The following CHD2 variants were observed in gnomAD, a reference collection of about 807,000 sequenced individuals.
CHD2 encodes ATP-dependent chromatin remodeler CHD2.
In CHD2, 28 loss-of-function variants were observed where a neutral mutation model predicts 243.9. The ratio of observed to expected loss-of-function variants is 0.11; its 90% CI spans 0.09 to 0.16. CHD2 has a LOEUF of 0.16. Among genes scored for constraint, CHD2 ranks in the 10% least tolerant of loss-of-function variants. The pLI is 1.00. For synonymous variants in CHD2, 775 were observed against 779.0 expected (o/e 0.99, Z 0.09); for missense variants, 1,386 against 2,209.8 (o/e 0.63, Z 7.47).
chr15:92,904,573 G>A (rs929874678), intron 2 of CHD2: 2 of 1,023,632 alleles, frequency 2.0e-6, no homozygotes, highest in African/African-American at 1.7e-5. Context: ...AGTCTTGTCC[G>A]CCCTTGCCTG....
intron 37 of CHD2, among the ~76,000 whole-genome samples, chr15:93,018,481 A>G (rs2054490351): frequency 6.6e-6 from 1 of 152,246 alleles, no homozygotes. Flanking sequence ...TAGACAGAAG[A>G]TGGATTTTTC....
chr15:92,914,664 A>G (rs2052800988), intron 2 of CHD2, among the ~76,000 whole-genome samples: 1 of 152,210 alleles, frequency 6.6e-6, no homozygotes, highest in African/African-American at 2.4e-5. Context: ...TGAAATTATA[A>G]GCAGCATTTT....
chr15:93,003,647 A>G (rs2054285752), intron 33 of CHD2, among the ~76,000 whole-genome samples: 2 of 150,194 alleles, frequency 1.3e-5, no homozygotes, highest in South Asian at 2.1e-4. Flanking sequence ...TGAACATATG[A>G]CTGATACTGT....
intron 17 of CHD2, among the ~76,000 whole-genome samples, chr15:92,970,529 T>G (rs2053827875): frequency 6.6e-6 from 1 of 152,206 alleles, no homozygotes; most frequent in Non-Finnish European, 1.5e-5. Context: ...TTTAACATTT[T>G]AATGCTTATC....
intron 34 of CHD2, among the ~76,000 whole-genome samples, chr15:93,005,048 GTATT>G (rs1434751709): frequency 6.6e-6 from 1 of 152,196 alleles, no homozygotes. Context: ...CACTGAGCAA[GTATT>G]TATTGAATGT....
intron 26 of CHD2, among the ~76,000 whole-genome samples, chr15:92,989,002 C>T: frequency 6.9e-6 from 1 of 145,030 alleles, no homozygotes; most frequent in South Asian, 2.2e-4. Flanking sequence ...GCTTTTTTTC[C>T]TATGTATACT....
chr15:93,007,278 C>T (rs997963981), intron 34 of CHD2, among the ~76,000 whole-genome samples: 4 of 152,180 alleles, frequency 2.6e-5, no homozygotes, highest in Non-Finnish European at 4.4e-5. Flanking sequence ...GACTGAAGGT[C>T]GTTGGACATT....
intron 2 of CHD2, among the ~76,000 whole-genome samples, chr15:92,922,328 T>C (rs2052971240): frequency 6.6e-6 from 1 of 152,140 alleles, no homozygotes; most frequent in African/African-American, 2.4e-5. Context: ...ATAAGCAAAA[T>C]AATACATATA....
rs551841258 is a variant in CHD2 at position 93,008,999 on chromosome 15, C to A, written c.4414-146C>A. ...TTTCTGACTTGAATACTTACACTTACTCCACTGCACTAGCTTTACCCACTC... is the reference window on the plus strand; with the variant it reads ...TTTCTGACTTGAATACTTACACTTAATCCACTGCACTAGCTTTACCCACTC... On this transcript the variant is annotated intron_variant, in intron 34 of 38. Transcript: ENST00000394196. The A allele has an allele frequency of 5.7e-4, 477 of 837,294 alleles. 1 individual carries two copies. Among genetic ancestry groups the A allele is most frequent in the African/African-American group, 4.8e-3 (282 of 58,172 alleles). 51.9% of individuals were successfully genotyped at this position (837,294 alleles called of 1,614,324 possible). A position where few individuals can be genotyped will look rare whatever the true frequency, so the allele number is the denominator to read the frequency against.
At chr15:92,928,150 A>T (rs1221937494) in intron 4 of CHD2, among the ~76,000 whole-genome samples, 1 of 152,188 alleles carries the variant, frequency 6.6e-6, no homozygotes, top group Non-Finnish European at 1.5e-5. Context: ...TTTTTAAATA[A>T]ATGTACCTTA....
At chr15:93,023,681 G>T (rs58179853) in intron 38 of CHD2, among the ~76,000 whole-genome samples, 35,940 of 147,388 alleles carry the variant, frequency 0.24, 4,760 homozygotes, top group African/African-American at 0.35. Flanking sequence ...TTTTTTTTGT[G>T]TTTTTTTTTA....
intron 5 of CHD2, among the ~76,000 whole-genome samples, chr15:92,935,038 C>CTTTTT (rs35542698): frequency 2.2e-5 from 3 of 138,692 alleles, no homozygotes; most frequent in Non-Finnish European, 3.1e-5. Context: ...TTCTTTCTTT[C>CTTTTT]TTTTTTTTTT....
At chr15:92,971,110 A>G (rs967146137) in intron 17 of CHD2, among the ~76,000 whole-genome samples, 1 of 152,170 alleles carries the variant, frequency 6.6e-6, no homozygotes, top group Non-Finnish European at 1.5e-5. Flanking sequence ...TCCAATTTTT[A>G]TATTTCAGTG....
intron 26 of CHD2, 183 bp from the exon 27 acceptor site, chr15:92,991,282 TAGCAGTCATTA>T (rs1216404758): frequency 2.0e-6 from 1 of 488,156 alleles, no homozygotes; most frequent in Non-Finnish European, 3.6e-6. Flanking sequence ...AATAGATTTT[TAGCAGTCATTA>T]TTTTAAGTTG....
intron 32 of CHD2, 139 bp from the exon 33 acceptor site, chr15:93,002,038 C>A: frequency 8.7e-7 from 1 of 1,147,656 alleles, no homozygotes; most frequent in Non-Finnish European, 1.2e-6. Context: ...CTCTGAGTCC[C>A]TTGAGGCTAT....
intron 5 of CHD2, among the ~76,000 whole-genome samples, chr15:92,931,137 C>T (rs907200776): frequency 6.6e-6 from 1 of 152,194 alleles, no homozygotes; most frequent in Non-Finnish European, 1.5e-5. Context: ...ACATGCATTT[C>T]AGAATTCAGA....
intron 38 of CHD2, 111 bp downstream of exon 38, chr15:93,020,369 A>T (rs918253069): frequency 7.5e-7 from 1 of 1,335,810 alleles, no homozygotes; most frequent in Non-Finnish European, 1.1e-6. Context: ...TGAAGATCTC[A>T]TCATGCATGT....
intron 5 of CHD2, among the ~76,000 whole-genome samples, chr15:92,935,952 A>G (rs1045856205): frequency 6.6e-6 from 1 of 151,976 alleles, no homozygotes; most frequent in Non-Finnish European, 1.5e-5. Context: ...TTTTAACCTA[A>G]CAAAGAAACA....
chr15:92,943,096 A>G (rs752823746), intron 9 of CHD2, 28 bp downstream of exon 9: 2 of 1,539,994 alleles, frequency 1.3e-6, no homozygotes, highest in Non-Finnish European at 1.8e-6. Context: ...GATTAAAGAA[A>G]TGTATTTGCA....
Sources: gnomAD v4.1 joint callset for allele counts (sites outside exome capture counted in the v4.1 genomes callset) on GRCh38, gnomAD v4.1.1 for gene constraint, MANE v1.5 for transcripts, NCBI Gene and HGNC (gene_info 2026-07-23, HGNC 2026-07-21) for gene names.